Variants in EXOC6B observed in about 807,000 individuals in gnomAD.
The protein encoded by EXOC6B is exocyst complex component 6B, also known as SEC15 homolog B.
A neutral mutation model predicts 113.5 loss-of-function variants in EXOC6B; 54 were observed. That is an observed-to-expected ratio of 0.48 (90% CI 0.38 to 0.60). The LOEUF (loss-of-function observed/expected upper bound fraction) is 0.60. EXOC6B is among the 20% of genes least tolerant of loss of function. The pLI, the probability that EXOC6B is intolerant of heterozygous loss-of-function variation, is 0.00. For synonymous variants in EXOC6B, 357 were observed against 339.0 expected (o/e 1.05, Z -0.58); for missense variants, 797 against 977.5 (o/e 0.82, Z 2.46).
intron 6 of EXOC6B, among the ~76,000 whole-genome samples, chr2:72,693,334 G>A (rs569278814): frequency 6.6e-6 from 1 of 151,836 alleles, no homozygotes; most frequent in Admixed American, 6.6e-5. Flanking sequence ...CATCCAGGCT[G>A]GAGTGCAGTG....
chr2:72,537,120 T>C (rs1702337379), intron 8 of EXOC6B, among the ~76,000 whole-genome samples: 1 of 152,222 alleles, frequency 6.6e-6, no homozygotes, highest in African/African-American at 2.4e-5. Context: ...TCTTTCCTTT[T>C]TTTTTCCCTC....
At chr2:72,252,842 T>A (rs551147873) in intron 20 of EXOC6B, among the ~76,000 whole-genome samples, 1 of 152,226 alleles carries the variant, frequency 6.6e-6, no homozygotes, top group South Asian at 2.1e-4. Flanking sequence ...GTAACAAACC[T>A]ACACATGCAA....
chr2:72,734,193 C>G (rs746217530), intron 2 of EXOC6B, among the ~76,000 whole-genome samples: 5 of 152,168 alleles, frequency 3.3e-5, no homozygotes, highest in East Asian at 3.8e-4. Flanking sequence ...GAACGATACA[C>G]TATACCTGGA....
intron 6 of EXOC6B, among the ~76,000 whole-genome samples, chr2:72,659,072 C>T (rs1674816939): frequency 6.6e-6 from 1 of 152,076 alleles, no homozygotes; most frequent in South Asian, 2.1e-4. Flanking sequence ...TCTGTCTTTT[C>T]CCAGACAGTA....
At chr2:72,459,810 C>T (rs1341232989) in intron 18 of EXOC6B, among the ~76,000 whole-genome samples, 3 of 152,126 alleles carry the variant, frequency 2.0e-5, no homozygotes, top group Non-Finnish European at 4.4e-5. Flanking sequence ...AATGCCATCC[C>T]CATCAAGCTA....
At chr2:72,214,845 C>A (rs1481210738) in intron 20 of EXOC6B, among the ~76,000 whole-genome samples, 1 of 152,118 alleles carries the variant, frequency 6.6e-6, no homozygotes, top group Non-Finnish European at 1.5e-5. Context: ...TTTTTGCATG[C>A]GAAAATTTTG....
At chr2:72,411,952 A>C (rs1444930219) in intron 18 of EXOC6B, among the ~76,000 whole-genome samples, 1 of 152,194 alleles carries the variant, frequency 6.6e-6, no homozygotes, top group East Asian at 1.9e-4. Context: ...TTTAAGATGA[A>C]AAACAAGATA....
intron 1 of EXOC6B, among the ~76,000 whole-genome samples, chr2:72,749,591 C>T (rs1305132234): frequency 6.6e-6 from 1 of 151,772 alleles, no homozygotes; most frequent in East Asian, 1.9e-4. Flanking sequence ...ACTTTTGCAC[C>T]ACCCTACATA....
chr2:72,182,015 GA>G (rs1192243116), intron 21 of EXOC6B, among the ~76,000 whole-genome samples: 4 of 152,202 alleles, frequency 2.6e-5, no homozygotes, highest in Non-Finnish European at 5.9e-5. Flanking sequence ...GGGCCAGGTT[GA>G]AAAGGAGAGT....
At chr2:72,324,611 C>T (rs1688024243) in intron 20 of EXOC6B, among the ~76,000 whole-genome samples, 1 of 152,074 alleles carries the variant, frequency 6.6e-6, no homozygotes, top group Non-Finnish European at 1.5e-5. Flanking sequence ...ACATTATAAG[C>T]CTTATAAGCT....
chr2:72,189,667 T>C (rs1239934149), intron 20 of EXOC6B, among the ~76,000 whole-genome samples: 1 of 152,072 alleles, frequency 6.6e-6, no homozygotes, highest in Non-Finnish European at 1.5e-5. Context: ...GTACTCTCTC[T>C]TCCCTGCTAT....
chr2:72,515,564 G>C, intron 8 of EXOC6B: 1 of 1,004,462 alleles, frequency 1.0e-6, no homozygotes, highest in Non-Finnish European at 1.2e-6. Context: ...GAAAAAAGCA[G>C]GAATTGAGAA....
At chr2:72,483,076 AAAAC>A (rs1462244920) in intron 16 of EXOC6B, among the ~76,000 whole-genome samples, 2 of 152,232 alleles carry the variant, frequency 1.3e-5, no homozygotes, top group Non-Finnish European at 2.9e-5. Flanking sequence ...TAAAATTACC[AAAAC>A]AAACAACCTT....
intron 20 of EXOC6B, among the ~76,000 whole-genome samples, chr2:72,219,490 T>C (rs759861901): frequency 1.3e-5 from 2 of 152,172 alleles, no homozygotes; most frequent in Non-Finnish European, 2.9e-5. Context: ...GTCATTCTAG[T>C]CTTGAGGACT....
chr2:72,639,090 T>C (rs1268941372), intron 6 of EXOC6B, among the ~76,000 whole-genome samples: 1 of 152,130 alleles, frequency 6.6e-6, no homozygotes, highest in Non-Finnish European at 1.5e-5. Flanking sequence ...TGCAGCTTCC[T>C]CTGGGCCCAC....
At chr2:72,545,208 T>C (rs1456190562) in intron 8 of EXOC6B, among the ~76,000 whole-genome samples, 2 of 152,170 alleles carry the variant, frequency 1.3e-5, no homozygotes. Flanking sequence ...ATTTGTTTAT[T>C]ACCTTTCACT....
At chr2:72,598,772 T>A (rs1361793744) in intron 6 of EXOC6B, among the ~76,000 whole-genome samples, 1 of 152,010 alleles carries the variant, frequency 6.6e-6, no homozygotes, top group Non-Finnish European at 1.5e-5. Flanking sequence ...TATGAACAAA[T>A]CTATACTCAT....
At chr2:72,673,965 C>T (rs1163956672) in intron 6 of EXOC6B, among the ~76,000 whole-genome samples, 2 of 151,992 alleles carry the variant, frequency 1.3e-5, no homozygotes, top group East Asian at 3.9e-4. Flanking sequence ...GTATCTATCA[C>T]ATTAATAGTA....
chr2:72,770,646 G>A lies in EXOC6B; in HGVS notation c.114-29177C>T, dbSNP rs186283303. ...GTTTTTAGAGCCTTTAGGATTTGGG[G>A]ATTACAAATGAGAGATTATGGGCCA... On this transcript the variant is annotated intron_variant, in intron 1 of 21. Coordinates refer to ENST00000272427, the MANE Select transcript of EXOC6B (RefSeq NM_015189.3). 4.1e-3 allele frequency among the ~76,000 whole-genome samples: 628 copies of A among 152,266 alleles called. 4 individuals are homozygous for A. The highest frequency in any genetic ancestry group is 6.9e-3 in the Non-Finnish European group (470 of 68,008).
Sources: allele counts gnomAD v4.1 joint callset (sites outside exome capture counted in the v4.1 genomes callset), GRCh38; gene constraint gnomAD v4.1.1; transcripts MANE v1.5; gene names NCBI Gene and HGNC (gene_info 2026-07-23, HGNC 2026-07-21).